F9: variants seen among roughly 807,000 people sequenced by gnomAD.
F9 encodes the protein Christmas factor.
Under a neutral mutation model 34.1 loss-of-function variants are expected in F9, and 2 were observed. That is an observed-to-expected ratio of 0.06 (90% CI 0.02 to 0.18). The LOEUF is 0.18. F9 is among the 10% of genes least tolerant of loss of function. The pLI is 1.00. For synonymous variants in F9, 137 were observed against 118.8 expected (o/e 1.15, Z -1.00); for missense variants, 216 against 345.1 (o/e 0.63, Z 2.96).
At chrX:139,552,498 C>A (rs1312264272) in intron 6 of F9, among the ~76,000 whole-genome samples, 3 of 111,947 alleles carry the variant, frequency 2.7e-5, no homozygotes, top group Non-Finnish European at 5.6e-5. Flanking sequence ...AGGCAGGAAG[C>A]CAGGATGGTC....
intron 1 of F9, among the ~76,000 whole-genome samples, chrX:139,531,881 G>A (rs1468675507): frequency 1.8e-5 from 2 of 112,293 alleles, no homozygotes; most frequent in Non-Finnish European, 3.8e-5. Context: ...AAAATACAGA[G>A]GTTAAACTAG....
chrX:139,531,555 T>G lies in F9; in HGVS notation c.88+703T>G, dbSNP rs193143495. Among the ~76,000 whole-genome samples, 51 of 112,415 alleles carry G rather than the reference T, an allele frequency of 4.5e-4. No individual in the cohort carries two copies. In the East Asian group the frequency reaches 0.013, roughly 29 times the overall value. On this transcript the variant is annotated intron_variant, in intron 1 of 7. Coordinates refer to ENST00000218099, the MANE Select transcript of F9 (RefSeq NM_000133.4). ...AGGGGAGAAAAGCAAGCTTAAGAAT[T>G]GACATAAAGAGTAGGAAGTTAGCTA...
intron 6 of F9, among the ~76,000 whole-genome samples, chrX:139,554,585 G>A (rs1022297841): frequency 8.9e-6 from 1 of 112,018 alleles, no homozygotes; most frequent in Non-Finnish European, 1.9e-5. Context: ...TTTGTGGATG[G>A]GCCAGCTCCA....
In F9 at chrX:139,561,615, T is replaced by C; in HGVS notation, c.930T>C (p.Asn310=). 8.3e-7 allele frequency: 1 copy of C among 1,210,354 alleles called. No homozygotes were observed. The highest frequency in any genetic ancestry group is 1.1e-6 in the Non-Finnish European group (1 of 894,345). ...ACCACAACTACAATGCAGCTATTAA[T>C]AAGTACAACCATGACATTGCCCTTC... ...IPHHNYNAAI[N]KYNHDIALLE... The change falls in exon 8 of 8, where the codon AAT becomes AAC. Residue 310 remains asparagine (N), a synonymous_variant. Transcript: ENST00000218099.
Position 139,537,114 on chromosome X carries a change from A to G in F9, c.193A>G (p.Met65Val). The change falls in exon 2 of 8, where the codon ATG (methionine) becomes GTG (valine). Residue 65 changes from methionine (M) to valine (V), a missense_variant. Coordinates refer to ENST00000218099, the MANE Select transcript of F9 (RefSeq NM_000133.4). ...TCAAGGGAACCTTGAGAGAGAATGT[A>G]TGGAAGAAAAGTGTAGTTTTGAAGA... ...FVQGNLEREC[M>V]EEKCSFEEAR... 8.3e-7 allele frequency: 1 copy of G among 1,211,393 alleles called. No individual in the cohort carries two copies. Among genetic ancestry groups the G allele is most frequent in the Admixed American group, 2.2e-5 (1 of 46,047 alleles).
At chrX:139,536,054 A>G (rs1927452107) in intron 1 of F9, among the ~76,000 whole-genome samples, 2 of 108,841 alleles carry the variant, frequency 1.8e-5, no homozygotes, top group African/African-American at 6.7e-5. Context: ...ACCTTATGGG[A>G]CCACTGTCGT....
intron 6 of F9, among the ~76,000 whole-genome samples, chrX:139,552,301 C>T (rs775250587): frequency 4.4e-5 from 5 of 112,423 alleles, no homozygotes; most frequent in Non-Finnish European, 9.4e-5. Flanking sequence ...CCCGGGTGCT[C>T]TGCAGACATT....
intron 4 of F9, among the ~76,000 whole-genome samples, chrX:139,541,738 T>C (rs775369788): frequency 2.7e-5 from 3 of 112,337 alleles, no homozygotes; most frequent in East Asian, 2.8e-4. Context: ...CCACTTCATA[T>C]GCTAAACTTG....
At chrX:139,533,313 T>A (rs1053126510) in intron 1 of F9, among the ~76,000 whole-genome samples, 2 of 112,012 alleles carry the variant, frequency 1.8e-5, no homozygotes, top group Non-Finnish European at 3.8e-5. Flanking sequence ...TGTTTTAGTA[T>A]GTTACCTTGG....
At chrX:139,556,851 T>A (rs1927979149) in intron 6 of F9, among the ~76,000 whole-genome samples, 1 of 112,493 alleles carries the variant, frequency 8.9e-6, no homozygotes, top group East Asian at 2.8e-4. Context: ...AAGCTGTACA[T>A]CACAAACAAA....
intron 6 of F9, among the ~76,000 whole-genome samples, chrX:139,552,636 A>T (rs1273406442): frequency 8.9e-6 from 1 of 112,753 alleles, no homozygotes; most frequent in Non-Finnish European, 1.9e-5. Context: ...TTTTAAGCAC[A>T]TAACAACCAC....
At chrX:139,536,619 T>G (rs1339200643) in intron 1 of F9, among the ~76,000 whole-genome samples, 3 of 111,628 alleles carry the variant, frequency 2.7e-5, no homozygotes, top group Admixed American at 1.9e-4. Flanking sequence ...TCAAAGTCAT[T>G]TGGGCAACCA....
intron 5 of F9, among the ~76,000 whole-genome samples, chrX:139,549,425 C>G (rs1412381691): frequency 9.0e-6 from 1 of 111,586 alleles, no homozygotes; most frequent in African/African-American, 3.3e-5. Flanking sequence ...ATTAAAGACA[C>G]ACACACAGAA....
chrX:139,560,747 T>C lies in F9; in HGVS notation c.730T>C (p.Leu244=), dbSNP rs765470577. The part of the protein sequence containing the change: ...KPGQFPWQVV[L]NGKVDAFCGG... ...CTTAATTTTGTTTTCACAGGTTGTT[T>C]TGAATGGTAAAGTTGATGCATTCTG... is the stretch of plus-strand genomic sequence containing the variant. Residue 244 remains leucine (L), a synonymous_variant, in exon 7 of 8, where the codon TTG becomes CTG. Coordinates refer to ENST00000218099, the MANE Select transcript of F9 (RefSeq NM_000133.4). 7.7e-5 allele frequency: 92 copies of C among 1,196,934 alleles called. 2 individuals are homozygous for C. In the Admixed American group the frequency reaches 2.0e-3, roughly 26 times the overall value.
chrX:139,531,840 T>C (rs1328111559), intron 1 of F9, among the ~76,000 whole-genome samples: 1 of 111,915 alleles, frequency 8.9e-6, no homozygotes, highest in Non-Finnish European at 1.9e-5. Context: ...AGCTGTGAAA[T>C]CAGACTGAAA....
At position 139,559,633 on chromosome X, in the gene F9, C is replaced by G. The variant is rs775167952; in HGVS notation, c.724-1108C>G. 2.7e-5 allele frequency among the ~76,000 whole-genome samples: 3 copies of G among 111,559 alleles called. No homozygotes were observed. The Admixed American group carries it at 2.8e-4, about 11-fold the overall frequency. On this transcript the variant is annotated intron_variant, in intron 6 of 7. Coordinates refer to ENST00000218099, the MANE Select transcript of F9 (RefSeq NM_000133.4). ...AGGTAGGAGGCTAGTGCTTCAGTGT[C>G]TAGGACATAGTAGGTGTTCAGTAAA... is the stretch of plus-strand genomic sequence containing the variant.
chrX:139,542,407 C>A (rs1366204633), intron 4 of F9, among the ~76,000 whole-genome samples: 1 of 111,913 alleles, frequency 8.9e-6, no homozygotes, highest in African/African-American at 3.2e-5. Context: ...GCCTGGGTTA[C>A]CTTTCTTGAG....
intron 6 of F9, among the ~76,000 whole-genome samples, 191 bp downstream of exon 6, chrX:139,551,455 A>G (rs763644260): frequency 9.0e-6 from 1 of 111,036 alleles, no homozygotes; most frequent in Non-Finnish European, 1.9e-5. Context: ...AAAACCAGCT[A>G]CCATACAGGT....
chrX:139,561,594 C>T lies in F9; in HGVS notation c.909C>T (p.His303=), dbSNP rs2148367681. The T allele has an allele frequency of 8.3e-7, 1 of 1,208,471 alleles. No homozygotes were observed. The highest frequency in any genetic ancestry group is 3.0e-5 in the East Asian group (1 of 33,799). The change falls in exon 8 of 8, where the codon CAC becomes CAT. Residue 303 remains histidine, a synonymous_variant. Coordinates refer to ENST00000218099, the MANE Select transcript of F9 (RefSeq NM_000133.4). ...ATGTGATTCGAATTATTCCTCACCA[C>T]AACTACAATGCAGCTATTAATAAGT... is the stretch of plus-strand genomic sequence containing the variant. ...KRNVIRIIPH[H]NYNAAINKYN...
Sources: allele counts gnomAD v4.1 joint callset (sites outside exome capture counted in the v4.1 genomes callset), GRCh38; gene constraint gnomAD v4.1.1; transcripts MANE v1.5; gene names NCBI Gene and HGNC (gene_info 2026-07-23, HGNC 2026-07-21).